The following EPHA5 variants were observed in gnomAD, a reference collection of about 807,000 sequenced individuals.
The protein encoded by EPHA5 is ephrin type-A receptor 5.
EPHA5 carries 60 observed loss-of-function variants against 105.0 expected under a neutral mutation model. That is an observed-to-expected ratio of 0.57 (90% CI 0.46 to 0.71). EPHA5 has a LOEUF of 0.71. EPHA5 is among the 30% of genes least tolerant of loss of function. The probability of loss-of-function intolerance (pLI) is 0.00; values close to 1 mark genes in which losing one functional copy is unlikely to be tolerated. For missense variants in EPHA5, 1,218 were observed against 1,274.7 expected, an observed-to-expected ratio of 0.96 and a Z score of 0.68; for synonymous variants, 513 against 449.1, an observed-to-expected ratio of 1.14 and a Z score of -1.80.
At chr4:65,507,456 G>A (rs1177967652) in intron 3 of EPHA5, among the ~76,000 whole-genome samples, 1 of 152,126 alleles carries the variant, frequency 6.6e-6, no homozygotes, top group Admixed American at 6.6e-5. Context: ...ATTACCTTGG[G>A]CAGTATGGCC....
intron 3 of EPHA5, among the ~76,000 whole-genome samples, chr4:65,521,730 G>T (rs1444039887): frequency 1.3e-5 from 2 of 152,010 alleles, no homozygotes; most frequent in Admixed American, 6.6e-5. Flanking sequence ...ATTTGAGTCA[G>T]TGTTGCTGAA....
At chr4:65,512,814 G>A (rs974082352) in intron 3 of EPHA5, among the ~76,000 whole-genome samples, 1 of 151,880 alleles carries the variant, frequency 6.6e-6, no homozygotes, top group East Asian at 1.9e-4. Context: ...ATCTCATGGC[G>A]AACCATTAAA....
intron 2 of EPHA5, among the ~76,000 whole-genome samples, chr4:65,615,605 G>T (rs781403662): frequency 6.6e-6 from 1 of 151,770 alleles, no homozygotes; most frequent in Non-Finnish European, 1.5e-5. Context: ...AACACAAATC[G>T]CTGAGAAAGT....
intron 5 of EPHA5, among the ~76,000 whole-genome samples, chr4:65,438,044 T>A (rs991481883): frequency 1.3e-5 from 2 of 151,962 alleles, no homozygotes; most frequent in Admixed American, 6.6e-5. Context: ...AGCATCATAG[T>A]AGGATCATTC....
At chr4:65,332,387 A>C (rs1403194571) in intron 15 of EPHA5, among the ~76,000 whole-genome samples, 2 of 151,860 alleles carry the variant, frequency 1.3e-5, no homozygotes, top group African/African-American at 2.4e-5. Context: ...ATGTAAAACA[A>C]AACAATAGCT....
Position 65,322,034 on chromosome 4 carries a change from C to A in EPHA5, c.*2080G>T, listed in dbSNP as rs1719677011. 4.4e-6 allele frequency: 1 copy of A among 225,598 alleles called. No individual in the cohort carries two copies. The highest frequency in any genetic ancestry group is 5.7e-5 in the Admixed American group (1 of 17,462). The allele number at this position is 225,598 out of a possible 1,614,324, so 14.0% of individuals were successfully genotyped here. A position where few individuals can be genotyped will look rare whatever the true frequency, so the allele number is the denominator to read the frequency against. ...TTCTGTTTATTGAAATGAACAAATGCATCTTTAATAATGGTGATGCTTTTT... is the reference window on the plus strand; with the variant it reads ...TTCTGTTTATTGAAATGAACAAATGAATCTTTAATAATGGTGATGCTTTTT... On this transcript the variant is annotated 3_prime_UTR_variant, in exon 17 of 17. Transcript: ENST00000613740.
chr4:65,668,081 T>C (rs916191657), intron 1 of EPHA5, among the ~76,000 whole-genome samples: 2 of 152,164 alleles, frequency 1.3e-5, no homozygotes, highest in African/African-American at 2.4e-5. Context: ...TATATATGTA[T>C]ATAGATAAAT....
At chr4:65,423,038 C>T (rs1724083627) in intron 5 of EPHA5, among the ~76,000 whole-genome samples, 1 of 151,918 alleles carries the variant, frequency 6.6e-6, no homozygotes, top group Non-Finnish European at 1.5e-5. Flanking sequence ...TTCATTTAGT[C>T]ATCATGTTTT....
At chr4:65,559,554 C>T (rs1255979278) in intron 3 of EPHA5, among the ~76,000 whole-genome samples, 1 of 152,126 alleles carries the variant, frequency 6.6e-6, no homozygotes, top group Non-Finnish European at 1.5e-5. Flanking sequence ...CTCTGCAAAA[C>T]AGTGTGACCA....
intron 14 of EPHA5, among the ~76,000 whole-genome samples, chr4:65,341,544 A>T (rs1020525): frequency 0.3 from 44,276 of 150,026 alleles, 7,376 homozygotes; most frequent in South Asian, 0.44. Context: ...ATTTATTTGC[A>T]CCATAAATAA....
intron 3 of EPHA5, chr4:65,574,062 A>G (rs1490597837): frequency 3.7e-6 from 6 of 1,601,066 alleles, no homozygotes; most frequent in South Asian, 1.1e-5. Flanking sequence ...CTCAACCAAA[A>G]TCGATATCAG....
At chr4:65,521,006 C>T (rs190524833) in intron 3 of EPHA5, among the ~76,000 whole-genome samples, 1 of 152,158 alleles carries the variant, frequency 6.6e-6, no homozygotes, top group African/African-American at 2.4e-5. Flanking sequence ...ACCATTTGAC[C>T]CAGCCATCTC....
intron 3 of EPHA5, among the ~76,000 whole-genome samples, chr4:65,586,706 A>T (rs1449223582): frequency 6.6e-6 from 1 of 152,026 alleles, no homozygotes; most frequent in Non-Finnish European, 1.5e-5. Context: ...TTTGAAGCTA[A>T]CTACTAACTC....
chr4:65,557,858 A>C (rs1308837475), intron 3 of EPHA5, among the ~76,000 whole-genome samples: 1 of 151,988 alleles, frequency 6.6e-6, no homozygotes, highest in African/African-American at 2.4e-5. Context: ...CACTGAAATA[A>C]TTCTGTGGAT....
chr4:65,394,762 C>T (rs534250563), intron 8 of EPHA5, among the ~76,000 whole-genome samples: 9 of 151,860 alleles, frequency 5.9e-5, no homozygotes, highest in Non-Finnish European at 7.4e-5. Context: ...ATTGAGACAT[C>T]GTGGTGTTGT....
At chr4:65,539,725 C>A (rs963424979) in intron 3 of EPHA5, among the ~76,000 whole-genome samples, 2 of 151,442 alleles carry the variant, frequency 1.3e-5, no homozygotes, top group Admixed American at 6.6e-5. Context: ...GTTTTGAAAA[C>A]CTGGATAATT....
chr4:65,501,599 C>T (rs1373419580), intron 3 of EPHA5, among the ~76,000 whole-genome samples: 1 of 151,366 alleles, frequency 6.6e-6, no homozygotes, highest in East Asian at 1.9e-4. Flanking sequence ...TGAAAGAAAT[C>T]GTAGGTGACA....
intron 2 of EPHA5, among the ~76,000 whole-genome samples, chr4:65,618,440 A>C (rs1382833964): frequency 6.6e-6 from 1 of 152,196 alleles, no homozygotes; most frequent in Non-Finnish European, 1.5e-5. Context: ...CTCTATATTC[A>C]TAGTTAAATT....
chr4:65,507,544 G>A (rs922283445), intron 3 of EPHA5, among the ~76,000 whole-genome samples: 4 of 152,002 alleles, frequency 2.6e-5, no homozygotes, highest in Non-Finnish European at 4.4e-5. Context: ...TTATTTCATT[G>A]AGCAGTGGTT....
Sources: gnomAD v4.1 joint callset for allele counts (sites outside exome capture counted in the v4.1 genomes callset) on GRCh38, gnomAD v4.1.1 for gene constraint, MANE v1.5 for transcripts, NCBI Gene and HGNC (gene_info 2026-07-23, HGNC 2026-07-21) for gene names.